Variants in ZC2HC1A observed in about 807,000 individuals in gnomAD.
ZC2HC1A encodes zinc finger C2HC-type containing 1A, also known as zinc finger C2HC domain-containing protein 1A.
ZC2HC1A carries 28 observed loss-of-function variants against 40.7 expected under a neutral mutation model. The observed-to-expected ratio is 0.69, with a 90% CI of 0.51 to 0.94. ZC2HC1A has a LOEUF of 0.94. Among genes scored for constraint, ZC2HC1A ranks in the 40% least tolerant of loss-of-function variants. ZC2HC1A has a pLI of 0.00. For missense variants in ZC2HC1A, 389 were observed against 386.3 expected, an observed-to-expected ratio of 1.01 and a Z score of -0.06; for synonymous variants, 129 against 129.2, an observed-to-expected ratio of 1.00 and a Z score of 0.01.
At chr8:78,695,750 T>C (rs1053083947) in intron 5 of ZC2HC1A, among the ~76,000 whole-genome samples, 1 of 152,198 alleles carries the variant, frequency 6.6e-6, no homozygotes, top group Non-Finnish European at 1.5e-5. Context: ...TCTCCCAAAG[T>C]CTCATAGACA....
chr8:78,677,608 T>C (rs933570680), intron 2 of ZC2HC1A, among the ~76,000 whole-genome samples: 1 of 152,162 alleles, frequency 6.6e-6, no homozygotes, highest in Non-Finnish European at 1.5e-5. Context: ...TTCTTTGTAT[T>C]TTCTTTTTCT....
At chr8:78,694,179 A>G (rs1259096795) in intron 5 of ZC2HC1A, among the ~76,000 whole-genome samples, 2 of 151,000 alleles carry the variant, frequency 1.3e-5, no homozygotes, top group Non-Finnish European at 2.9e-5. Flanking sequence ...TTCCATTAAT[A>G]TTTTCATAGT....
Position 78,719,516 on chromosome 8 carries a change from A to T in ZC2HC1A, c.*2023A>T, listed in dbSNP as rs1013438995. The T allele has an allele frequency of 2.0e-5, 3 of 146,882 alleles. No homozygotes were observed. The highest frequency in any genetic ancestry group is 5.4e-5 in the African/African-American group (2 of 36,958). 9.1% of individuals were successfully genotyped at this position (146,882 alleles called of 1,614,324 possible). A position where few individuals can be genotyped will look rare whatever the true frequency, so the allele number is the denominator to read the frequency against. On this transcript the variant is annotated 3_prime_UTR_variant, in exon 9 of 9. Coordinates refer to ENST00000263849, the MANE Select transcript of ZC2HC1A (RefSeq NM_016010.3). ...TTGATTTGTGCAATAGTTCAGTTTTAAAAAAAATCTTCCTATGCATCATGT... is the reference window on the plus strand; with the variant it reads ...TTGATTTGTGCAATAGTTCAGTTTTTAAAAAAATCTTCCTATGCATCATGT...
At chr8:78,698,606 C>T in intron 7 of ZC2HC1A, 93 bp downstream of exon 7, 1 of 946,404 alleles carries the variant, frequency 1.1e-6, no homozygotes, top group East Asian at 3.0e-5. Context: ...CATTCATCTT[C>T]ATTTCCTAAG....
At chr8:78,669,232 A>G (rs189172300) in intron 1 of ZC2HC1A, among the ~76,000 whole-genome samples, 5 of 152,282 alleles carry the variant, frequency 3.3e-5, no homozygotes, top group Admixed American at 3.3e-4. Flanking sequence ...ACTGTGTTTG[A>G]ATCCTTGCTT....
intron 4 of ZC2HC1A, 94 bp downstream of exon 4, chr8:78,686,702 C>T: frequency 7.8e-7 from 1 of 1,285,272 alleles, no homozygotes; most frequent in Non-Finnish European, 1.0e-6. Context: ...AACTTACAAT[C>T]ATGGAGTGTT....
chr8:78,674,473 A>G (rs767116586), intron 1 of ZC2HC1A, among the ~76,000 whole-genome samples: 26 of 152,322 alleles, frequency 1.7e-4, no homozygotes, highest in Non-Finnish European at 3.4e-4. Flanking sequence ...AATGGTTTCC[A>G]TTTAGTAACT....
At chr8:78,691,911 G>A (rs76390497) in intron 5 of ZC2HC1A, among the ~76,000 whole-genome samples, 2 of 152,028 alleles carry the variant, frequency 1.3e-5, no homozygotes, top group South Asian at 2.1e-4. Flanking sequence ...AATTGTAAAC[G>A]TGCAGATTAT....
intron 5 of ZC2HC1A, among the ~76,000 whole-genome samples, chr8:78,695,443 G>C (rs1006123896): frequency 6.6e-6 from 1 of 152,164 alleles, no homozygotes; most frequent in African/African-American, 2.4e-5. Flanking sequence ...CTCTCAATAT[G>C]TAATAGGCCA....
At chr8:78,678,875 A>G (rs1187241868) in intron 3 of ZC2HC1A, 196 bp downstream of exon 3, 4 of 343,102 alleles carry the variant, frequency 1.2e-5, no homozygotes, top group African/African-American at 8.5e-5. Flanking sequence ...ATTTTAAAAA[A>G]TAAGCTTCTA....
chr8:78,666,270 A>G (rs1051364286), intron 1 of ZC2HC1A, 106 bp downstream of exon 1: 2 of 1,503,928 alleles, frequency 1.3e-6, no homozygotes, highest in African/African-American at 2.8e-5. Flanking sequence ...GGTGCGGCGG[A>G]CCTCGCCGCG....
At chr8:78,716,094 C>T (rs1452833248) in intron 8 of ZC2HC1A, among the ~76,000 whole-genome samples, 1 of 148,764 alleles carries the variant, frequency 6.7e-6, no homozygotes, top group Admixed American at 6.7e-5. Context: ...ATCTATTTTA[C>T]CTTTATTACT....
intron 7 of ZC2HC1A, among the ~76,000 whole-genome samples, chr8:78,713,291 T>C (rs1235345930): frequency 6.6e-6 from 1 of 152,070 alleles, no homozygotes; most frequent in Non-Finnish European, 1.5e-5. Flanking sequence ...TAAAAATAAA[T>C]GACAGGTATT....
At chr8:78,688,354 A>G (rs1044309541) in intron 4 of ZC2HC1A, among the ~76,000 whole-genome samples, 1 of 152,130 alleles carries the variant, frequency 6.6e-6, no homozygotes, top group African/African-American at 2.4e-5. Context: ...CCTGACAAAA[A>G]CAGCTTATTT....
intron 5 of ZC2HC1A, 65 bp from the exon 6 acceptor site, chr8:78,697,342 A>C: frequency 7.7e-7 from 1 of 1,297,764 alleles, no homozygotes; most frequent in South Asian, 1.4e-5. Flanking sequence ...TAAGTTTTGA[A>C]CCACTACTTT....
In ZC2HC1A at chr8:78,666,347, G is replaced by A. The variant is rs1246706632; in HGVS notation, c.16+183G>A. Among the ~76,000 whole-genome samples, 5 of 152,198 alleles carry A rather than the reference G, an allele frequency of 3.3e-5. No homozygotes were observed. In the East Asian group the frequency reaches 7.7e-4, roughly 23 times the overall value. ...CAGTCCCCGATGCGGTGGAGCTAAC[G>A]CTACCAGGCTGCCCCGCCTCAGACG... On this transcript the variant is annotated intron_variant, in intron 1 of 8. Transcript: ENST00000263849.
intron 7 of ZC2HC1A, among the ~76,000 whole-genome samples, chr8:78,710,804 T>C (rs1456918221): frequency 6.6e-6 from 1 of 152,138 alleles, no homozygotes; most frequent in Non-Finnish European, 1.5e-5. Flanking sequence ...TGAAGGCTGC[T>C]TTTAAGAACT....
intron 7 of ZC2HC1A, among the ~76,000 whole-genome samples, chr8:78,708,297 A>G (rs1471918019): frequency 1.3e-5 from 2 of 152,224 alleles, no homozygotes; most frequent in Admixed American, 6.5e-5. Context: ...CAGGCATACC[A>G]GTGATCTGTA....
intron 1 of ZC2HC1A, among the ~76,000 whole-genome samples, chr8:78,671,202 T>C (rs150182200): frequency 2.6e-4 from 39 of 152,314 alleles, no homozygotes; most frequent in East Asian, 2.1e-3. Flanking sequence ...TCATCACTTA[T>C]AGTGTTAGAT....
Sources: allele counts gnomAD v4.1 joint callset (sites outside exome capture counted in the v4.1 genomes callset), GRCh38; gene constraint gnomAD v4.1.1; transcripts MANE v1.5; gene names NCBI Gene and HGNC (gene_info 2026-07-23, HGNC 2026-07-21).